LCLAT1: variants seen among roughly 807,000 people sequenced by gnomAD.
LCLAT1 encodes lysocardiolipin acyltransferase 1.
Under a neutral mutation model 30.7 loss-of-function variants are expected in LCLAT1, and 11 were observed. The observed-to-expected ratio is 0.36, with a 90% CI of 0.23 to 0.59. The LOEUF (loss-of-function observed/expected upper bound fraction) is 0.59. Among genes scored for constraint, LCLAT1 ranks in the 20% least tolerant of loss-of-function variants. The pLI is 0.77. For synonymous variants in LCLAT1, 155 were observed against 151.3 expected, an observed-to-expected ratio of 1.02 and a Z score of -0.18; for missense variants, 402 against 458.6, an observed-to-expected ratio of 0.88 and a Z score of 1.13.
chr2:30,593,942 A>G (rs79366206), intron 5 of LCLAT1, among the ~76,000 whole-genome samples: 19,066 of 149,648 alleles, frequency 0.13, 1,346 homozygotes, highest in South Asian at 0.23. Flanking sequence ...AAAAAAAGAC[A>G]TGTAAAATTC....
intron 1 of LCLAT1, among the ~76,000 whole-genome samples, chr2:30,452,265 A>G (rs1051863046): frequency 6.6e-6 from 1 of 152,226 alleles, no homozygotes; most frequent in Admixed American, 6.5e-5. Flanking sequence ...GAATATGGCA[A>G]TGCAAGATCA....
intron 3 of LCLAT1, among the ~76,000 whole-genome samples, chr2:30,553,378 C>T (rs1270552096): frequency 6.6e-6 from 1 of 152,070 alleles, no homozygotes; most frequent in Non-Finnish European, 1.5e-5. Context: ...ATGCTGATAA[C>T]GTAAATGAGG....
At chr2:30,483,060 ATT>A (rs1266497372) in intron 1 of LCLAT1, among the ~76,000 whole-genome samples, 1 of 152,190 alleles carries the variant, frequency 6.6e-6, no homozygotes, top group Non-Finnish European at 1.5e-5. Context: ...ATTTAAATAA[ATT>A]TGGACTTTAG....
intron 2 of LCLAT1, among the ~76,000 whole-genome samples, chr2:30,529,750 A>C (rs1036190866): frequency 2.0e-5 from 3 of 152,198 alleles, no homozygotes; most frequent in African/African-American, 7.2e-5. Context: ...AGATTGCTGA[A>C]TGTGATTTTT....
At chr2:30,534,022 C>T (rs829628) in intron 3 of LCLAT1, among the ~76,000 whole-genome samples, 87,931 of 151,930 alleles carry the variant, frequency 0.58, 26,635 homozygotes, top group Non-Finnish European at 0.67. Context: ...CCCACTATAT[C>T]CTCCTGACAG....
At chr2:30,469,137 T>A (rs1322850791) in intron 1 of LCLAT1, among the ~76,000 whole-genome samples, 3 of 152,218 alleles carry the variant, frequency 2.0e-5, no homozygotes, top group African/African-American at 7.2e-5. Context: ...GTTCTTTATG[T>A]ATTCTGGATA....
At chr2:30,546,087 A>T (rs1019497684) in intron 3 of LCLAT1, among the ~76,000 whole-genome samples, 9 of 152,164 alleles carry the variant, frequency 5.9e-5, no homozygotes, top group Non-Finnish European at 1.0e-4. Context: ...ACATTGTGAT[A>T]TATCTAGATT....
chr2:30,630,853 C>G (rs565502621), intron 5 of LCLAT1, among the ~76,000 whole-genome samples: 1 of 152,224 alleles, frequency 6.6e-6, no homozygotes, highest in Admixed American at 6.5e-5. Flanking sequence ...GAAATGCTTC[C>G]TTAGGGTCCA....
At chr2:30,477,942 C>A (rs187053762) in intron 1 of LCLAT1, among the ~76,000 whole-genome samples, 4 of 151,926 alleles carry the variant, frequency 2.6e-5, no homozygotes, top group African/African-American at 9.7e-5. Flanking sequence ...CTCTCTCCCC[C>A]CTGAAAGTTT....
chr2:30,640,583 C>G lies in LCLAT1; in HGVS notation c.1095C>G (p.His365Gln), dbSNP rs1224538445. Residue 365 changes from histidine to glutamine, a missense_variant, in exon 6 of 6, where the codon CAC (histidine) becomes CAG (glutamine). His to Gln is a conservative substitution (Grantham distance 24, BLOSUM62 0). Coordinates refer to ENST00000379509, the MANE Select transcript of LCLAT1 (RefSeq NM_001002257.3). ...IIELACYRLL[H>Q]KQPHLNSKKN... ...AACTTGCATGTTACCGACTTTTACA[C>G]AAACAGCCACATTTAAATTCAAAGA... 2 of 1,609,826 alleles carry G rather than the reference C, an allele frequency of 1.2e-6. No individual in the cohort carries two copies. Among genetic ancestry groups the G allele is most frequent in the African/African-American group, 2.7e-5 (2 of 74,790 alleles).
intron 3 of LCLAT1, among the ~76,000 whole-genome samples, chr2:30,551,437 C>G (rs1664673199): frequency 6.6e-6 from 1 of 152,176 alleles, no homozygotes; most frequent in Admixed American, 6.5e-5. Flanking sequence ...CATCCCTAGA[C>G]TCAGCATTTC....
At chr2:30,601,378 A>G (rs921783451) in intron 5 of LCLAT1, among the ~76,000 whole-genome samples, 9 of 152,160 alleles carry the variant, frequency 5.9e-5, no homozygotes, top group Non-Finnish European at 1.2e-4. Context: ...TTACTTTTCT[A>G]CATGCCAAGA....
At chr2:30,495,983 T>G (rs1050031161) in intron 1 of LCLAT1, among the ~76,000 whole-genome samples, 3 of 152,118 alleles carry the variant, frequency 2.0e-5, no homozygotes, top group Non-Finnish European at 2.9e-5. Flanking sequence ...AAAAGAGGTT[T>G]AATTGGCTCA....
intron 1 of LCLAT1, among the ~76,000 whole-genome samples, chr2:30,469,386 T>G (rs1351739175): frequency 1.3e-5 from 2 of 152,098 alleles, no homozygotes; most frequent in Admixed American, 1.3e-4. Flanking sequence ...GTGTTTAGGT[T>G]TTTGATAGAT....
At chr2:30,519,322 G>C (rs377322831) in intron 1 of LCLAT1, among the ~76,000 whole-genome samples, 1 of 152,080 alleles carries the variant, frequency 6.6e-6, no homozygotes, top group Non-Finnish European at 1.5e-5. Context: ...AAGATCTACC[G>C]TGGACCCCTG....
chr2:30,456,474 G>A (rs913254182), intron 1 of LCLAT1, among the ~76,000 whole-genome samples: 2 of 151,936 alleles, frequency 1.3e-5, no homozygotes, highest in Non-Finnish European at 2.9e-5. Context: ...AAGGATAAGG[G>A]GTAGAGACAC....
chr2:30,458,288 G>T (rs1681934275), intron 1 of LCLAT1, among the ~76,000 whole-genome samples: 1 of 152,232 alleles, frequency 6.6e-6, no homozygotes, highest in African/African-American at 2.4e-5. Flanking sequence ...ACCCTGCTCT[G>T]TCTGGCTTTG....
chr2:30,596,178 A>G (rs1666922784), intron 5 of LCLAT1, among the ~76,000 whole-genome samples: 1 of 152,178 alleles, frequency 6.6e-6, no homozygotes, highest in Non-Finnish European at 1.5e-5. Context: ...TGCTGGGTCA[A>G]ATGGCATTTC....
chr2:30,465,009 C>G (rs1473727269), intron 1 of LCLAT1, among the ~76,000 whole-genome samples: 3 of 152,088 alleles, frequency 2.0e-5, no homozygotes, highest in African/African-American at 7.2e-5. Flanking sequence ...CATGCCTGGC[C>G]AGGCCTGTTA....
Sources: allele counts gnomAD v4.1 joint callset (sites outside exome capture counted in the v4.1 genomes callset), GRCh38; gene constraint gnomAD v4.1.1; transcripts MANE v1.5; gene names NCBI Gene and HGNC (gene_info 2026-07-23, HGNC 2026-07-21).